The following LEPR variants were observed in gnomAD, a reference collection of about 807,000 sequenced individuals.
LEPR encodes OB receptor.
LEPR carries 56 observed loss-of-function variants against 114.7 expected under a neutral mutation model. The observed-to-expected ratio is 0.49, with a 90% confidence interval of 0.39 to 0.61. The LOEUF (loss-of-function observed/expected upper bound fraction) is 0.61, where lower values mean the gene tolerates loss of function less well. LEPR is among the 20% of genes least tolerant of loss of function. The pLI is 0.00. For synonymous variants in LEPR, 443 were observed against 461.4 expected (o/e 0.96, Z 0.51); for missense variants, 1,202 against 1,352.9 (o/e 0.89, Z 1.75).
intron 2 of LEPR, among the ~76,000 whole-genome samples, chr1:65,503,478 A>G (rs1268559373): frequency 6.6e-6 from 1 of 152,202 alleles, no homozygotes; most frequent in Non-Finnish European, 1.5e-5. Context: ...CTAAAGGGAA[A>G]AATAATTGTA....
intron 2 of LEPR, chr1:65,431,868 G>T: frequency 6.2e-7 from 1 of 1,614,142 alleles, no homozygotes; most frequent in South Asian, 1.1e-5. Context: ...CAATTCAAGG[G>T]TTTTTCCTTA....
chr1:65,504,908 T>A (rs1648644863), intron 2 of LEPR, among the ~76,000 whole-genome samples: 2 of 152,122 alleles, frequency 1.3e-5, no homozygotes, highest in Admixed American at 1.3e-4. Flanking sequence ...TTAAAATAAA[T>A]AAAAAGTTTA....
At chr1:65,587,267 A>G (rs190191256) in intron 5 of LEPR, among the ~76,000 whole-genome samples, 12 of 152,180 alleles carry the variant, frequency 7.9e-5, no homozygotes, top group African/African-American at 2.9e-4. Flanking sequence ...AAACACCACA[A>G]TTTATTCAAT....
chr1:65,627,221 C>A (rs1658271714), intron 19 of LEPR, among the ~76,000 whole-genome samples: 1 of 152,094 alleles, frequency 6.6e-6, no homozygotes, highest in Non-Finnish European at 1.5e-5. Context: ...CAATGTATTT[C>A]TTAATATGCT....
intron 5 of LEPR, among the ~76,000 whole-genome samples, chr1:65,590,136 A>T (rs755278118): frequency 6.6e-6 from 1 of 151,812 alleles, no homozygotes; most frequent in African/African-American, 2.4e-5. Flanking sequence ...GATCCTAAAC[A>T]TCTTTTGTCA....
chr1:65,564,160 C>T (rs1177909115), intron 2 of LEPR, among the ~76,000 whole-genome samples: 4 of 149,052 alleles, frequency 2.7e-5, no homozygotes, highest in Non-Finnish European at 4.5e-5. Flanking sequence ...GCCTCGCTGC[C>T]GCCTTGCAGT....
chr1:65,470,335 G>A (rs530838499), intron 2 of LEPR, among the ~76,000 whole-genome samples: 1 of 152,294 alleles, frequency 6.6e-6, no homozygotes, highest in African/African-American at 2.4e-5. Context: ...TCAGAGGCCA[G>A]GAAATTGGCA....
At position 65,640,239 on chromosome 1, in the gene LEPR, G is replaced by C. The variant is rs1192228070; in HGVS notation, c.*3224G>C. On this transcript the variant is annotated 3_prime_UTR_variant, in exon 20 of 20. Transcript: ENST00000349533. ...TATGCATACAGGGCTCACAGGCGGA[G>C]TTGGACAATATGCTGATGGATCAAG... The C allele has an allele frequency of 6.6e-6, 1 of 152,204 alleles. No homozygotes were observed. Among genetic ancestry groups the C allele is most frequent in the Non-Finnish European group, 1.5e-5 (1 of 68,030 alleles). 9.4% of individuals were successfully genotyped at this position (152,204 alleles called of 1,614,324 possible). A position where few individuals can be genotyped will look rare whatever the true frequency, so the allele number is the denominator to read the frequency against.
At chr1:65,555,670 T>C (rs1179105634) in intron 2 of LEPR, among the ~76,000 whole-genome samples, 1 of 152,198 alleles carries the variant, frequency 6.6e-6, no homozygotes, top group Non-Finnish European at 1.5e-5. Flanking sequence ...ATGGCAATAA[T>C]GGGAATTTGC....
At chr1:65,568,569 A>G (rs965053538) in intron 3 of LEPR, among the ~76,000 whole-genome samples, 1 of 151,662 alleles carries the variant, frequency 6.6e-6, no homozygotes, top group African/African-American at 2.4e-5. Context: ...TAATGCAGTC[A>G]TTCATTGAGG....
intron 5 of LEPR, among the ~76,000 whole-genome samples, chr1:65,583,177 C>A (rs1307647201): frequency 6.6e-6 from 1 of 152,152 alleles, no homozygotes; most frequent in Admixed American, 6.5e-5. Context: ...TGGCACAGAG[C>A]TGAGGAACTC....
intron 19 of LEPR, chr1:65,626,343 G>A (rs1226911216): frequency 2.3e-6 from 3 of 1,287,956 alleles, no homozygotes; most frequent in South Asian, 2.8e-5. Flanking sequence ...ATAATACAGT[G>A]GGTGTGAATG....
intron 7 of LEPR, 39 bp from the exon 8 acceptor site, chr1:65,598,621 C>A: frequency 5.6e-6 from 9 of 1,610,658 alleles, no homozygotes; most frequent in South Asian, 1.1e-5. Context: ...GGTTCCACAT[C>A]AACTTGATGT....
chr1:65,524,924 G>A (rs541251675), intron 2 of LEPR, among the ~76,000 whole-genome samples: 2 of 152,258 alleles, frequency 1.3e-5, no homozygotes, highest in South Asian at 2.1e-4. Context: ...ATTTTGAGTG[G>A]AGGGCCGGAA....
chr1:65,508,259 C>T (rs767836761), intron 2 of LEPR, among the ~76,000 whole-genome samples: 18 of 152,220 alleles, frequency 1.2e-4, no homozygotes, highest in Non-Finnish European at 2.1e-4. Context: ...AGAAATCATT[C>T]CCCAGACCAA....
At chr1:65,570,152 A>G (rs1654055548) in intron 3 of LEPR, among the ~76,000 whole-genome samples, 1 of 152,246 alleles carries the variant, frequency 6.6e-6, no homozygotes, top group Admixed American at 6.5e-5. Context: ...TGCTTTAGAA[A>G]GGAAAAATAA....
At chr1:65,578,683 T>C (rs1654768331) in intron 5 of LEPR, among the ~76,000 whole-genome samples, 1 of 152,224 alleles carries the variant, frequency 6.6e-6, no homozygotes, top group Non-Finnish European at 1.5e-5. Context: ...CCTGAATGAA[T>C]ATTGTGGAAG....
At chr1:65,551,644 T>C (rs1652372019) in intron 2 of LEPR, among the ~76,000 whole-genome samples, 1 of 152,180 alleles carries the variant, frequency 6.6e-6, no homozygotes, top group African/African-American at 2.4e-5. Context: ...TGTTGATCTT[T>C]TCAAAAATCC....
In LEPR at chr1:65,636,632, T is replaced by C. The variant is rs1658729612; in HGVS notation, c.3115T>C (p.Leu1039=). ...GATAGAGGCCCAGGCATTTTTTATA[T>C]TATCAGATCAGCATCCCAACATAAT... The part of the protein sequence containing the change: ...WEIEAQAFFI[L]SDQHPNIISP... Residue 1039 remains leucine, a synonymous_variant, in exon 20 of 20, where the codon TTA becomes CTA. Transcript: ENST00000349533. 1.2e-6 allele frequency: 2 copies of C among 1,612,946 alleles called. No homozygotes were observed. The highest frequency in any genetic ancestry group is 1.7e-6 in the Non-Finnish European group (2 of 1,179,510).
Sources: gnomAD v4.1 joint callset for allele counts (sites outside exome capture counted in the v4.1 genomes callset) on GRCh38, gnomAD v4.1.1 for gene constraint, MANE v1.5 for transcripts, NCBI Gene and HGNC (gene_info 2026-07-23, HGNC 2026-07-21) for gene names.